The following PRKG2 variants were observed in gnomAD, a reference collection of about 807,000 sequenced individuals.
PRKG2 encodes cGMP-dependent protein kinase 2.
In PRKG2, 33 loss-of-function variants were observed where a neutral mutation model predicts 97.2. The ratio of observed to expected loss-of-function variants is 0.34; its 90% confidence interval spans 0.26 to 0.45. The LOEUF (loss-of-function observed/expected upper bound fraction) is 0.45. Among genes scored for constraint, PRKG2 ranks in the 20% least tolerant of loss-of-function variants. PRKG2 has a pLI of 1.00. For missense variants in PRKG2, 638 were observed against 900.0 expected, an observed-to-expected ratio of 0.71 and a Z score of 3.73; for synonymous variants, 330 against 321.8, an observed-to-expected ratio of 1.03 and a Z score of -0.27.
At chr4:81,136,576 A>G (rs1398430215) in intron 13 of PRKG2, among the ~76,000 whole-genome samples, 3 of 151,606 alleles carry the variant, frequency 2.0e-5, no homozygotes, top group South Asian at 2.1e-4. Flanking sequence ...TACTACCCCA[A>G]CTTCCCTGCT....
intron 4 of PRKG2, among the ~76,000 whole-genome samples, chr4:81,170,937 A>C (rs1420430190): frequency 6.7e-6 from 1 of 149,340 alleles, no homozygotes; most frequent in Non-Finnish European, 1.5e-5. Flanking sequence ...AATTAAAGCA[A>C]ATATGGAATC....
rs1741318353 is a variant in PRKG2 at position 81,089,260 on chromosome 4, T to C, written c.*448A>G. 1 of 152,578 alleles carries C rather than the reference T, an allele frequency of 6.6e-6. No homozygotes were observed. Among genetic ancestry groups the C allele is most frequent in the African/African-American group, 2.4e-5 (1 of 41,466 alleles). 9.5% of individuals were successfully genotyped at this position (152,578 alleles called of 1,614,324 possible). ...CCATTTTAAGATACCACCATGCTTATATGAAGTTGCTGAGAGCTGGGGAGC... is the reference window on the plus strand; with the variant it reads ...CCATTTTAAGATACCACCATGCTTACATGAAGTTGCTGAGAGCTGGGGAGC... On this transcript the variant is annotated 3_prime_UTR_variant, in exon 19 of 19. Coordinates refer to ENST00000264399, the MANE Select transcript of PRKG2 (RefSeq NM_006259.3).
At chr4:81,199,971 T>C (rs1753200770) in intron 2 of PRKG2, among the ~76,000 whole-genome samples, 1 of 152,144 alleles carries the variant, frequency 6.6e-6, no homozygotes, top group Non-Finnish European at 1.5e-5. Flanking sequence ...AGAACAATAG[T>C]TTCAAATGAT....
At position 81,105,885 on chromosome 4, in the gene PRKG2, T is replaced by C; in HGVS notation, c.1991A>G (p.Lys664Arg). 6.2e-7 allele frequency: 1 copy of C among 1,613,848 alleles called. No homozygotes were observed. The highest frequency in any genetic ancestry group is 8.5e-7 in the Non-Finnish European group (1 of 1,179,804). The change falls in exon 16 of 19, where the codon AAA (lysine) becomes AGA (arginine). Residue 664 changes from lysine (K) to arginine (R), a missense_variant. Lys to Arg is a conservative substitution (Grantham distance 26). Transcript: ENST00000264399. ...DQMMTYNLILKGIEKMDFPRK... is the reference protein window; with the variant it reads ...DQMMTYNLILRGIEKMDFPRK... ...GGGAAAATCCATTTTTTCAATTCCT[T>C]TGAGAATCAAATTGTAGGTCATCAT...
At chr4:81,181,894 A>C (rs932014990) in intron 2 of PRKG2, among the ~76,000 whole-genome samples, 1 of 151,970 alleles carries the variant, frequency 6.6e-6, no homozygotes, top group East Asian at 1.9e-4. Flanking sequence ...AATGAAAAAA[A>C]TTTCTAGAAA....
intron 6 of PRKG2, among the ~76,000 whole-genome samples, chr4:81,155,126 C>A (rs1360066806): frequency 7.2e-6 from 1 of 139,802 alleles, no homozygotes; most frequent in East Asian, 2.3e-4. Flanking sequence ...TGCAGTGAGC[C>A]GAGATCCCGC....
intron 2 of PRKG2, among the ~76,000 whole-genome samples, chr4:81,177,345 G>A (rs1471837997): frequency 6.6e-6 from 1 of 152,114 alleles, no homozygotes. Context: ...TCTCTAATTA[G>A]TGAAATTATC....
intron 2 of PRKG2, among the ~76,000 whole-genome samples, chr4:81,183,379 G>T (rs1002247017): frequency 6.6e-6 from 1 of 152,070 alleles, no homozygotes; most frequent in East Asian, 1.9e-4. Flanking sequence ...CACCCAGAAG[G>T]ACAAGGGGTC....
intron 2 of PRKG2, among the ~76,000 whole-genome samples, chr4:81,195,404 C>A (rs532761223): frequency 1.6e-4 from 25 of 152,202 alleles, no homozygotes; most frequent in African/African-American, 6.0e-4. Flanking sequence ...ATATACATAA[C>A]ATAAAATGTA....
chr4:81,110,165 A>G (rs1044892352), intron 15 of PRKG2, among the ~76,000 whole-genome samples: 2 of 152,210 alleles, frequency 1.3e-5, no homozygotes, highest in African/African-American at 4.8e-5. Context: ...CTGAATTATT[A>G]AAGCCTTCAT....
intron 4 of PRKG2, among the ~76,000 whole-genome samples, chr4:81,171,309 C>T (rs1485285712): frequency 6.6e-6 from 1 of 152,010 alleles, no homozygotes; most frequent in Non-Finnish European, 1.5e-5. Flanking sequence ...TAATGGCTTC[C>T]AGCTCCATCT....
intron 17 of PRKG2, among the ~76,000 whole-genome samples, chr4:81,093,790 G>A (rs1224657941): frequency 2.0e-5 from 3 of 152,104 alleles, no homozygotes; most frequent in Non-Finnish European, 2.9e-5. Flanking sequence ...AAGCTTGATG[G>A]TCTAGAAATA....
chr4:81,141,089 C>T (rs1269563040), intron 11 of PRKG2, among the ~76,000 whole-genome samples: 1 of 152,110 alleles, frequency 6.6e-6, no homozygotes, highest in African/African-American at 2.4e-5. Flanking sequence ...GGGCTCATTG[C>T]AGCCTTGACC....
chr4:81,148,214 C>T (rs1748043964), intron 9 of PRKG2, among the ~76,000 whole-genome samples: 1 of 152,038 alleles, frequency 6.6e-6, no homozygotes, highest in African/African-American at 2.4e-5. Context: ...TTTGACTACA[C>T]TATGACTTTT....
chr4:81,159,984 A>G (rs1749473150), intron 6 of PRKG2, among the ~76,000 whole-genome samples: 2 of 148,802 alleles, frequency 1.3e-5, no homozygotes, highest in Non-Finnish European at 3.0e-5. Flanking sequence ...GGGGAGGGAG[A>G]GCATTGGGAG....
intron 2 of PRKG2, among the ~76,000 whole-genome samples, chr4:81,196,018 T>C (rs534485512): frequency 6.6e-6 from 1 of 152,252 alleles, no homozygotes; most frequent in South Asian, 2.1e-4. Context: ...TAAGACTTCA[T>C]CTTAGTTAAC....
At chr4:81,106,700 CA>C (rs1339936933) in intron 15 of PRKG2, among the ~76,000 whole-genome samples, 1 of 152,122 alleles carries the variant, frequency 6.6e-6, no homozygotes, top group Non-Finnish European at 1.5e-5. Flanking sequence ...TGTGTTCCAC[CA>C]AATTCATTTG....
chr4:81,099,265 A>G (rs1481156059), intron 17 of PRKG2, among the ~76,000 whole-genome samples: 1 of 152,212 alleles, frequency 6.6e-6, no homozygotes, highest in Admixed American at 6.5e-5. Flanking sequence ...AACAAAAAAG[A>G]GAATTTTAGA....
At chr4:81,160,374 A>T (rs1213604851) in intron 6 of PRKG2, among the ~76,000 whole-genome samples, 2 of 152,144 alleles carry the variant, frequency 1.3e-5, no homozygotes, top group African/African-American at 4.8e-5. Context: ...ATTCACCTGG[A>T]ATACTGAATT....
Sources: gnomAD v4.1 joint callset for allele counts (sites outside exome capture counted in the v4.1 genomes callset) on GRCh38, gnomAD v4.1.1 for gene constraint, MANE v1.5 for transcripts, NCBI Gene and HGNC (gene_info 2026-07-23, HGNC 2026-07-21) for gene names.